Variants in SLC35A5 observed in about 807,000 individuals in gnomAD.
SLC35A5 encodes the protein solute carrier family 35 member A5.
Under a neutral mutation model 36.3 loss-of-function variants are expected in SLC35A5, and 28 were observed. That is an observed-to-expected ratio of 0.77 (90% CI 0.57 to 1.06). The LOEUF is 1.06. SLC35A5 is among the 50% of genes least tolerant of loss of function. SLC35A5 has a pLI of 0.00. For missense variants in SLC35A5, 521 were observed against 499.3 expected (o/e 1.04, Z -0.41); for synonymous variants, 180 against 173.7 (o/e 1.04, Z -0.29).
Position 112,562,114 on chromosome 3 carries a change from T to A in SLC35A5, c.-179T>A, listed in dbSNP as rs1170364481. 1 of 159,474 alleles carries A rather than the reference T, an allele frequency of 6.3e-6. No homozygotes were observed. The highest frequency in any genetic ancestry group is 1.6e-4 in the South Asian group (1 of 6,198). The allele number at this position is 159,474 out of a possible 1,614,324, so 9.9% of individuals were successfully genotyped here. On this transcript the variant is annotated 5_prime_UTR_variant, in exon 1 of 7. Coordinates refer to ENST00000492406, the MANE Select transcript of SLC35A5 (RefSeq NM_017945.5). ...ATCCGGACGTAATCGTGGTTTTTGT[T>A]CTGCAATAGGCGGCTTAGAGGGAGG...
At chr3:112,568,063 G>A (rs894774604) in intron 2 of SLC35A5, among the ~76,000 whole-genome samples, 2 of 152,182 alleles carry the variant, frequency 1.3e-5, no homozygotes, top group Non-Finnish European at 2.9e-5. Flanking sequence ...TAAGTGCCAG[G>A]TATATGAACG....
chr3:112,571,715 G>A (rs1934445578), intron 4 of SLC35A5, among the ~76,000 whole-genome samples: 1 of 152,090 alleles, frequency 6.6e-6, no homozygotes. Flanking sequence ...CTTGTGCTGG[G>A]GAACTCTCAT....
chr3:112,562,023 C>G (rs1228323913), upstream of SLC35A5: 1 of 169,226 alleles, frequency 5.9e-6, no homozygotes, highest in East Asian at 1.9e-4. Context: ...AGCCGCTTCT[C>G]CCCTCCTTCC....
intron 4 of SLC35A5, among the ~76,000 whole-genome samples, chr3:112,573,309 T>C (rs1473155779): frequency 1.3e-5 from 2 of 152,218 alleles, no homozygotes; most frequent in Non-Finnish European, 1.5e-5. Flanking sequence ...GAAATAGGAC[T>C]GAATTCGTAA....
chr3:112,572,728 G>A (rs1934501441), intron 4 of SLC35A5, among the ~76,000 whole-genome samples: 1 of 152,204 alleles, frequency 6.6e-6, no homozygotes, highest in Non-Finnish European at 1.5e-5. Flanking sequence ...GAGATGCATG[G>A]AATGTTTGGG....
chr3:112,580,962 C>T lies in SLC35A5; in HGVS notation c.845C>T (p.Thr282Ile). 6.2e-7 allele frequency: 1 copy of T among 1,614,124 alleles called. No homozygotes were observed. Among genetic ancestry groups the T allele is most frequent in the East Asian group, 2.2e-5 (1 of 44,884 alleles). Residue 282 changes from threonine to isoleucine, a missense_variant, in exon 6 of 7, where the codon ACT becomes ATT. Transcript: ENST00000492406. ...YFFGILFNGL[T>I]LGLQRSNRDQ... ...TTTGGCATTCTGTTTAATGGGCTGACTCTGGGCCTTCAGAGGAGTAACCGT... is the reference window on the plus strand; with the variant it reads ...TTTGGCATTCTGTTTAATGGGCTGATTCTGGGCCTTCAGAGGAGTAACCGT...
intron 5 of SLC35A5, among the ~76,000 whole-genome samples, chr3:112,575,173 A>C (rs1197193471): frequency 6.6e-6 from 1 of 152,194 alleles, no homozygotes; most frequent in Non-Finnish European, 1.5e-5. Context: ...TTCCAAGACC[A>C]TTTCCATATT....
intron 3 of SLC35A5, 84 bp downstream of exon 3, chr3:112,569,353 G>T: frequency 9.6e-7 from 1 of 1,037,034 alleles, no homozygotes; most frequent in Non-Finnish European, 1.5e-6. Context: ...GTATCATTTA[G>T]CTTAGTCCAT....
In SLC35A5 at chr3:112,571,318, T is replaced by G. The variant is rs140857978; in HGVS notation, c.360+648T>G. Among the ~76,000 whole-genome samples the G allele has an allele frequency of 9.9e-3, 1,513 of 152,354 alleles. 7 individuals are homozygous for G. Among genetic ancestry groups the G allele is most frequent in the Non-Finnish European group, 0.016 (1,076 of 68,040 alleles). ...TTCTGCTTTCACTTATTACTCAGTT[T>G]GGGTCACAATAGGTCACATGTATAT... On this transcript the variant is annotated intron_variant, in intron 4 of 6. Coordinates refer to ENST00000492406, the MANE Select transcript of SLC35A5 (RefSeq NM_017945.5).
At chr3:112,561,549 C>G (rs11547151), upstream of SLC35A5, 4 of 1,583,706 alleles carry the variant, frequency 2.5e-6, no homozygotes, top group Admixed American at 3.4e-5. Flanking sequence ...GAGTAGCGGC[C>G]GGCCCCGCGA....
intron 4 of SLC35A5, among the ~76,000 whole-genome samples, chr3:112,570,988 A>G (rs937832521): frequency 6.6e-6 from 1 of 152,110 alleles, no homozygotes; most frequent in African/African-American, 2.4e-5. Flanking sequence ...GTGGCCACTA[A>G]CCTCTAATTA....
chr3:112,572,100 G>A (rs998074874), intron 4 of SLC35A5, among the ~76,000 whole-genome samples: 8 of 149,640 alleles, frequency 5.3e-5, no homozygotes, highest in Non-Finnish European at 7.4e-5. Flanking sequence ...CCGCCACCGC[G>A]CCCGGCTAAT....
Position 112,584,739 on chromosome 3 carries a change from G to T in SLC35A5, c.*2003G>T, listed in dbSNP as rs942178938. The T allele has an allele frequency of 6.6e-6, 1 of 152,094 alleles. No homozygotes were observed. The highest frequency in any genetic ancestry group is 2.4e-5 in the African/African-American group (1 of 41,410). 9.4% of individuals were successfully genotyped at this position (152,094 alleles called of 1,614,324 possible). ...TTTTATCAAAAAGACACTTGCAGTG[G>T]TATGTTTATCACAGCAGTATTCACA... On this transcript the variant is annotated 3_prime_UTR_variant, in exon 7 of 7. Transcript: ENST00000492406.
chr3:112,569,312 C>T (rs1559857675), intron 3 of SLC35A5, 43 bp downstream of exon 3: 1 of 1,465,612 alleles, frequency 6.8e-7, no homozygotes. Context: ...ATCATAGGAC[C>T]AAAAAATGTT....
chr3:112,575,153 G>C (rs1482713064), intron 5 of SLC35A5, among the ~76,000 whole-genome samples: 1 of 152,084 alleles, frequency 6.6e-6, no homozygotes, highest in East Asian at 1.9e-4. Flanking sequence ...CTTCTGTGAA[G>C]ATAAAATGGT....
rs544320441 is a variant in SLC35A5, at chr3:112,568,154, A to G, written c.131-1017A>G. Among the ~76,000 whole-genome samples the G allele has an allele frequency of 9.8e-5, 15 of 152,346 alleles. No individual in the cohort carries two copies. In the South Asian group the frequency reaches 2.9e-3, roughly 29 times the overall value. Reference sequence around the variant, plus strand: ...CTTCCAATGAGACAAGTAGGGCCACAGAGGTTTAGAGGTAGTGCTATAAGA... The same window carrying G: ...CTTCCAATGAGACAAGTAGGGCCACGGAGGTTTAGAGGTAGTGCTATAAGA... On this transcript the variant is annotated intron_variant, in intron 2 of 6. Coordinates refer to ENST00000492406, the MANE Select transcript of SLC35A5 (RefSeq NM_017945.5).
chr3:112,583,009 C>A lies in SLC35A5; in HGVS notation c.*273C>A, dbSNP rs1935003088. The A allele has an allele frequency of 9.0e-6, 4 of 442,964 alleles. No homozygotes were observed. The highest frequency in any genetic ancestry group is 1.6e-5 in the Non-Finnish European group (4 of 252,422). 27.4% of individuals were successfully genotyped at this position (442,964 alleles called of 1,614,324 possible). A position where few individuals can be genotyped will look rare whatever the true frequency, so the allele number is the denominator to read the frequency against. ...GAAAGTTATATGTGCAGATTATTTT[C>A]CTTGGCCTTCAAGCTTCCAAAAAAC... On this transcript the variant is annotated 3_prime_UTR_variant, in exon 7 of 7. Transcript: ENST00000492406.
chr3:112,582,288 A>G (rs377738772), intron 6 of SLC35A5, among the ~76,000 whole-genome samples: 20 of 152,276 alleles, frequency 1.3e-4, no homozygotes, highest in East Asian at 9.6e-4. Context: ...GCCAGAGTGT[A>G]TATCCAGAAG....
chr3:112,582,667 T>C lies in SLC35A5; in HGVS notation c.1210-4T>C, dbSNP rs113027788. 2.1e-3 allele frequency: 3,445 copies of C among 1,610,636 alleles called. 11 individuals are homozygous for C. The highest frequency in any genetic ancestry group is 2.7e-3 in the Non-Finnish European group (3,163 of 1,177,532). ...CTAATTACTGCTTTCATGTTTCCTT[T>C]TAGGATGGAGAAGAACTAGAAAGAC... On this transcript the variant is annotated splice_region_variant and splice_polypyrimidine_tract_variant and intron_variant, in intron 6 of 6. Coordinates refer to ENST00000492406, the MANE Select transcript of SLC35A5 (RefSeq NM_017945.5).
Sources: allele counts gnomAD v4.1 joint callset (sites outside exome capture counted in the v4.1 genomes callset), GRCh38; gene constraint gnomAD v4.1.1; transcripts MANE v1.5; gene names NCBI Gene and HGNC (gene_info 2026-07-23, HGNC 2026-07-21).